Variants in PKD2L2 observed in about 807,000 individuals in gnomAD.
PKD2L2 encodes polycystin-2-like protein 2.
In PKD2L2, 67 loss-of-function variants were observed where a neutral mutation model predicts 83.9. That is an observed-to-expected ratio of 0.80 (90% CI 0.66 to 0.98). The LOEUF is 0.98. Among genes scored for constraint, PKD2L2 ranks in the 50% least tolerant of loss-of-function variants. The pLI, the probability that PKD2L2 is intolerant of heterozygous loss-of-function variation, is 0.00. For missense variants in PKD2L2, 632 were observed against 717.2 expected (o/e 0.88, Z 1.36); for synonymous variants, 223 against 237.8 (o/e 0.94, Z 0.57).
chr5:137,931,493 A>G (rs1394480516), intron 12 of PKD2L2, among the ~76,000 whole-genome samples: 1 of 152,246 alleles, frequency 6.6e-6, no homozygotes, highest in Non-Finnish European at 1.5e-5. Context: ...AGATTCAGAT[A>G]GTATTTATTT....
intron 12 of PKD2L2, among the ~76,000 whole-genome samples, chr5:137,926,702 G>A (rs778927950): frequency 6.6e-6 from 1 of 152,154 alleles, no homozygotes; most frequent in Non-Finnish European, 1.5e-5. Flanking sequence ...GGGCTCCTTC[G>A]AGGTCTCGCT....
At chr5:137,927,360 A>G (rs1421034985) in intron 12 of PKD2L2, among the ~76,000 whole-genome samples, 1 of 152,202 alleles carries the variant, frequency 6.6e-6, no homozygotes, top group Non-Finnish European at 1.5e-5. Context: ...AAATTGAGGG[A>G]CATTCTACAA....
intron 5 of PKD2L2, 24 bp from the exon 6 acceptor site, chr5:137,906,182 G>T (rs1234379523): frequency 7.2e-7 from 1 of 1,386,356 alleles, no homozygotes; most frequent in East Asian, 2.3e-5. Flanking sequence ...ATGAACAGTT[G>T]CTTTCACAAA....
chr5:137,907,637 C>T, intron 6 of PKD2L2, 105 bp from the exon 7 acceptor site: 1 of 566,466 alleles, frequency 1.8e-6, no homozygotes, highest in Non-Finnish European at 2.9e-6. Flanking sequence ...TTCCTTCCCT[C>T]TTTGTTAAAC....
Position 137,910,231 on chromosome 5 carries a change from CAATAATAATAATAATAATAAT to C in PKD2L2, c.1328+1309_1328+1329del, listed in dbSNP as rs67797320. 1.3e-4 allele frequency among the ~76,000 whole-genome samples: 18 copies of C among 138,926 alleles called. No individual in the cohort carries two copies. The East Asian group carries it at 3.6e-3, about 28-fold the overall frequency. 91.1% of individuals were successfully genotyped at this position (138,926 alleles called of 152,430 possible). The stretch of plus-strand genomic sequence containing the variant: ...ACAGAGTGAAACCCCATCTCTAAAA[CAATAATAATAATAATAATAAT>C]AATAATAATAATAATAATAATAAAA... On this transcript the variant is annotated intron_variant, in intron 8 of 14. Coordinates refer to ENST00000508883, the MANE Select transcript of PKD2L2 (RefSeq NM_001300921.2).
At chr5:137,898,887 C>T (rs1256981571) in intron 4 of PKD2L2, among the ~76,000 whole-genome samples, 1 of 152,154 alleles carries the variant, frequency 6.6e-6, no homozygotes, top group East Asian at 1.9e-4. Flanking sequence ...TGCTGCCATG[C>T]CCAGCTAATT....
intron 8 of PKD2L2, among the ~76,000 whole-genome samples, chr5:137,918,145 T>C (rs1444370473): frequency 6.6e-6 from 1 of 152,094 alleles, no homozygotes; most frequent in Non-Finnish European, 1.5e-5. Context: ...TTGCCCAGGG[T>C]TTGCCATTTT....
intron 4 of PKD2L2, among the ~76,000 whole-genome samples, chr5:137,894,855 A>G (rs548257657): frequency 2.0e-5 from 3 of 152,200 alleles, no homozygotes; most frequent in Admixed American, 2.0e-4. Flanking sequence ...CTGCTTAGTC[A>G]TATTGGACAC....
chr5:137,891,486 T>C (rs1212780007), intron 2 of PKD2L2, among the ~76,000 whole-genome samples: 1 of 151,272 alleles, frequency 6.6e-6, no homozygotes, highest in Non-Finnish European at 1.5e-5. Context: ...AAAAAAAAGA[T>C]AACTGTAGGC....
intron 12 of PKD2L2, 108 bp from the exon 13 acceptor site, chr5:137,935,689 C>T (rs571203330): frequency 1.6e-5 from 10 of 641,628 alleles, no homozygotes; most frequent in Non-Finnish European, 2.7e-5. Context: ...AATCTGAGGG[C>T]TGGAGAGGAG....
chr5:137,895,042 G>A (rs2150001901), intron 4 of PKD2L2, among the ~76,000 whole-genome samples: 1 of 152,210 alleles, frequency 6.6e-6, no homozygotes, highest in East Asian at 1.9e-4. Flanking sequence ...TTTTTCTGTT[G>A]CTGCCCCTAC....
intron 14 of PKD2L2, chr5:137,941,973 A>C: frequency 6.2e-7 from 1 of 1,614,096 alleles, no homozygotes; most frequent in Non-Finnish European, 8.5e-7. Context: ...ATGCTTCTTC[A>C]AATTCCCGCA....
At chr5:137,921,508 A>C (rs1758903046) in intron 8 of PKD2L2, 128 bp from the exon 9 acceptor site, 2 of 630,770 alleles carry the variant, frequency 3.2e-6, no homozygotes, top group Non-Finnish European at 5.5e-6. Context: ...CTCTGTACTA[A>C]CATAATTAAA....
intron 14 of PKD2L2, 25 bp from the exon 15 acceptor site, chr5:137,942,359 T>G (rs2150113215): frequency 3.4e-6 from 1 of 291,746 alleles, no homozygotes; most frequent in East Asian, 6.7e-5. Flanking sequence ...ACTGTAGGAT[T>G]TTATTTGTTT....
chr5:137,911,779 A>G (rs1757860359), intron 8 of PKD2L2, among the ~76,000 whole-genome samples: 2 of 152,068 alleles, frequency 1.3e-5, no homozygotes, highest in Non-Finnish European at 2.9e-5. Flanking sequence ...GAAATTTTAC[A>G]CCCATTGACA....
At chr5:137,930,598 G>A (rs1171377800) in intron 12 of PKD2L2, among the ~76,000 whole-genome samples, 16 of 151,666 alleles carry the variant, frequency 1.1e-4, no homozygotes, top group Non-Finnish European at 1.5e-5. Context: ...GGGAGGTGGA[G>A]GTTGCAGTCA....
chr5:137,894,557 T>A lies in PKD2L2; in HGVS notation c.472T>A (p.Tyr158Asn). Reference sequence around the variant, plus strand: ...TTTGATGAGTGAATGTTATGGCAAATATACTTCTGCAAATGAAGACCTCTC... The same window carrying A: ...TTTGATGAGTGAATGTTATGGCAAAAATACTTCTGCAAATGAAGACCTCTC... ...QSLMSECYGK[Y>N]TSANEDLSNF... is the part of the protein sequence containing the mutation. Residue 158 changes from tyrosine to asparagine, a missense_variant, in exon 4 of 15, where the codon TAT (tyrosine) becomes AAT (asparagine). Around this residue, in one of 3 missense-constraint regions of PKD2L2, gnomAD observed 229 missense variants for 281.5 expected, o/e 0.81. Transcript: ENST00000508883. 1 of 1,613,252 alleles carries A rather than the reference T, an allele frequency of 6.2e-7. No homozygotes were observed. Among genetic ancestry groups the A allele is most frequent in the Non-Finnish European group, 8.5e-7 (1 of 1,179,268 alleles).
intron 14 of PKD2L2, chr5:137,939,587 CA>C (rs2150083079): frequency 6.2e-6 from 1 of 160,262 alleles, no homozygotes; most frequent in Admixed American, 6.2e-5. Context: ...TTTGGTCTAC[CA>C]ACTGTTATCT....
chr5:137,904,283 G>A (rs927195850), intron 5 of PKD2L2, among the ~76,000 whole-genome samples: 2 of 152,160 alleles, frequency 1.3e-5, no homozygotes, highest in African/African-American at 4.8e-5. Flanking sequence ...GGATTACCAT[G>A]ATTGGATCTG....
Sources: gnomAD v4.1 joint callset for allele counts (sites outside exome capture counted in the v4.1 genomes callset) on GRCh38, gnomAD v4.1.1 for gene constraint, gnomAD v4.1.1 regional missense constraint, MANE v1.5 for transcripts, NCBI Gene and HGNC (gene_info 2026-07-23, HGNC 2026-07-21) for gene names.